SLCO4A1: variants seen among roughly 807,000 people sequenced by gnomAD.
SLCO4A1 encodes solute carrier organic anion transporter family member 4A1.
In SLCO4A1, 51 loss-of-function variants were observed where a neutral mutation model predicts 64.6. The observed-to-expected ratio is 0.79, with a 90% CI of 0.63 to 1.00. The LOEUF (loss-of-function observed/expected upper bound fraction) is 1.00. Ranked by LOEUF, SLCO4A1 falls within the 50% of genes least tolerant of loss-of-function variation. The pLI, the probability that SLCO4A1 is intolerant of heterozygous loss-of-function variation, is 0.00. For missense variants in SLCO4A1, 919 were observed against 980.5 expected (o/e 0.94, Z 0.84); for synonymous variants, 471 against 444.9 (o/e 1.06, Z -0.74).
chr20:62,662,307 C>G (rs1985120163), intron 5 of SLCO4A1, among the ~76,000 whole-genome samples: 1 of 152,152 alleles, frequency 6.6e-6, no homozygotes, highest in South Asian at 2.1e-4. Context: ...TGACCCGGGG[C>G]CACGTTCCCA....
Position 62,664,809 on chromosome 20 carries a change from C to T in SLCO4A1, c.1122-125C>T, listed in dbSNP as rs1001107108. On this transcript the variant is annotated intron_variant, in intron 5 of 11. Transcript: ENST00000217159. ...ACCCTGGGTCTGGCCCACTCTGACCCTCAGTCTCTTCTCCACACCCCGACC... is the reference window on the plus strand; with the variant it reads ...ACCCTGGGTCTGGCCCACTCTGACCTTCAGTCTCTTCTCCACACCCCGACC... 1.0e-5 allele frequency: 11 copies of T among 1,086,974 alleles called. No homozygotes were observed. In the Admixed American group the frequency reaches 1.6e-4, roughly 16 times the overall value. The allele number at this position is 1,086,974 out of a possible 1,614,324, so 67.3% of individuals were successfully genotyped here.
chr20:62,671,687 C>A, intron 11 of SLCO4A1, 63 bp from the exon 12 acceptor site: 1 of 1,513,182 alleles, frequency 6.6e-7, no homozygotes, highest in South Asian at 1.2e-5. Flanking sequence ...GGGACAGGCC[C>A]ACCAGTATCC....
chr20:62,653,431 AGTTGCC>A (rs1982988807), intron 1 of SLCO4A1, among the ~76,000 whole-genome samples: 1 of 152,218 alleles, frequency 6.6e-6, no homozygotes, highest in Non-Finnish European at 1.5e-5. Flanking sequence ...TCACAGATGA[AGTTGCC>A]CCTTTATTAA....
At chr20:62,676,889 G>A (rs544917249), downstream of SLCO4A1, among the ~76,000 whole-genome samples, 5 of 152,208 alleles carry the variant, frequency 3.3e-5, no homozygotes, top group African/African-American at 4.8e-5. Context: ...GCACCAGCCC[G>A]AATGTCAACT....
At chr20:62,660,642 T>G (rs1569134580) in intron 4 of SLCO4A1, 109 bp downstream of exon 4, 1 of 1,284,420 alleles carries the variant, frequency 7.8e-7, no homozygotes, top group Non-Finnish European at 1.1e-6. Context: ...CATGATCAAG[T>G]CTGCGGCACA....
chr20:62,659,989 C>T (rs1321540034), intron 3 of SLCO4A1, among the ~76,000 whole-genome samples: 6 of 152,234 alleles, frequency 3.9e-5, no homozygotes, highest in African/African-American at 1.4e-4. Context: ...ACAGTCCCTT[C>T]GTGGGGAGCT....
chr20:62,643,529 A>G (rs368410464), intron 1 of SLCO4A1, among the ~76,000 whole-genome samples: 1 of 152,230 alleles, frequency 6.6e-6, no homozygotes, highest in African/African-American at 2.4e-5. Context: ...GGACCTGGCT[A>G]TGCGTCCTGT....
chr20:62,675,823 C>G (rs1987565948), downstream of SLCO4A1, among the ~76,000 whole-genome samples: 1 of 152,218 alleles, frequency 6.6e-6, no homozygotes, highest in Non-Finnish European at 1.5e-5. Context: ...CCCTGTCCTC[C>G]CACGTCCTGG....
intron 2 of SLCO4A1, among the ~76,000 whole-genome samples, chr20:62,683,276 C>T (rs959661545): frequency 7.2e-5 from 11 of 152,088 alleles, no homozygotes; most frequent in Admixed American, 3.9e-4. Context: ...GCTTGGACCT[C>T]GGGCTCTCGG....
rs994566115 is a variant in SLCO4A1, at chr20:62,644,884, G to A, written c.-97+2331G>A. On this transcript the variant is annotated intron_variant, in intron 1 of 11. Coordinates refer to ENST00000217159, the MANE Select transcript of SLCO4A1 (RefSeq NM_016354.4). This position sits in a 1 kb window ranked among gnomAD's most constrained non-coding sequence, Gnocchi z 5.4. ...GCCAACGTGCAGCCTGGTGCTGGGG[G>A]CAGGAGGGAGCAGGGCCCTTGGAGC... 1.3e-4 allele frequency among the ~76,000 whole-genome samples: 20 copies of A among 152,246 alleles called. No homozygotes were observed. Among genetic ancestry groups the A allele is most frequent in the Non-Finnish European group, 2.5e-4 (17 of 68,050 alleles).
At chr20:62,661,000 C>G (rs1453358157) in intron 4 of SLCO4A1, 64 bp from the exon 5 acceptor site, 3 of 1,112,516 alleles carry the variant, frequency 2.7e-6, no homozygotes, top group Non-Finnish European at 3.9e-6. Flanking sequence ...CAGAGCCTCT[C>G]TCGGAGAAGT....
intron 7 of SLCO4A1, chr20:62,666,862 A>T (rs1986444624): frequency 2.6e-6 from 1 of 385,422 alleles, no homozygotes; most frequent in African/African-American, 2.0e-5. Flanking sequence ...TGTCAAATGG[A>T]ACAACAGCCC....
chr20:62,674,325 G>T (rs1165855355), downstream of SLCO4A1, among the ~76,000 whole-genome samples: 2 of 152,228 alleles, frequency 1.3e-5, no homozygotes, highest in Non-Finnish European at 2.9e-5. Context: ...ACTCATGGGA[G>T]CTGTCAGCCT....
Position 62,657,086 on chromosome 20 carries a change from AC to A in SLCO4A1, c.636del (p.Gly213AlafsTer69). 1 of 1,600,710 alleles carries A rather than the reference AC, an allele frequency of 6.2e-7. No individual in the cohort carries two copies. Among genetic ancestry groups the A allele is most frequent in the Non-Finnish European group, 8.5e-7 (1 of 1,174,954 alleles). On this transcript the variant is annotated frameshift_variant, in exon 2 of 12. Coordinates refer to ENST00000217159, the MANE Select transcript of SLCO4A1 (RefSeq NM_016354.4). LOFTEE classifies it high-confidence loss of function. Reference protein sequence around the residue: ...LDAGVRTCPANPGAVCADSTS... With the variant: ...LDAGVRTCPAXPGAVCADSTS... ...GCGGGTGTCAGGACGTGCCCTGCCAACCCCGGCGCGGTGTGTGCGGACAGCA... is the reference window on the plus strand; with the variant it reads ...GCGGGTGTCAGGACGTGCCCTGCCAACCCGGCGCGGTGTGTGCGGACAGCA...
Position 62,661,833 on chromosome 20 carries a change from C to T in SLCO4A1, c.1121+658C>T, listed in dbSNP as rs1984986466. Among the ~76,000 whole-genome samples, 1 of 147,006 alleles carries T rather than the reference C, an allele frequency of 6.8e-6. No individual in the cohort carries two copies. Among genetic ancestry groups the T allele is most frequent in the Admixed American group, 6.9e-5 (1 of 14,584 alleles). On this transcript the variant is annotated intron_variant, in intron 5 of 11. Transcript: ENST00000217159. This position sits in a 1 kb window ranked among gnomAD's most constrained non-coding sequence, Gnocchi z 5.2. ...GTCTTGCTGCACTGCTAGGGTGAACCCGGGGCCCTGAGCCGGTGGGGTCCT... is the reference window on the plus strand; with the variant it reads ...GTCTTGCTGCACTGCTAGGGTGAACTCGGGGCCCTGAGCCGGTGGGGTCCT...
chr20:62,654,722 T>A (rs1274784038), intron 1 of SLCO4A1, among the ~76,000 whole-genome samples: 1 of 151,804 alleles, frequency 6.6e-6, no homozygotes, highest in Non-Finnish European at 1.5e-5. Context: ...AGCGCCGGGG[T>A]CCCTGTTGAA....
At position 62,656,898 on chromosome 20, in the gene SLCO4A1, C is replaced by G; in HGVS notation, c.444C>G (p.Ser148=). 1 of 1,575,018 alleles carries G rather than the reference C, an allele frequency of 6.3e-7. No homozygotes were observed. Among genetic ancestry groups the G allele is most frequent in the Non-Finnish European group, 8.7e-7 (1 of 1,154,780 alleles). ...ACCAGAGCGGGCTCATCGCCAGCTC[C>G]TACGACATTGCCGCCTGCCTCTGCC... The part of the protein sequence containing the change: ...HSYQSGLIAS[S]YDIAACLCLT... The change falls in exon 2 of 12, where the codon TCC becomes TCG. Residue 148 remains serine, a synonymous_variant. Coordinates refer to ENST00000217159, the MANE Select transcript of SLCO4A1 (RefSeq NM_016354.4).
At chr20:62,677,864 G>A (rs889582776) in intron 2 of SLCO4A1, among the ~76,000 whole-genome samples, 2 of 152,248 alleles carry the variant, frequency 1.3e-5, no homozygotes, top group South Asian at 4.1e-4. Flanking sequence ...GGCCGAGTCC[G>A]CCGTGATGGG....
intron 2 of SLCO4A1, among the ~76,000 whole-genome samples, chr20:62,679,927 C>T (rs1272319134): frequency 6.6e-6 from 1 of 152,158 alleles, no homozygotes. Context: ...TGCAGTGGAT[C>T]TTGAGGGTAT....
Sources: allele counts gnomAD v4.1 joint callset (sites outside exome capture counted in the v4.1 genomes callset), GRCh38; gene constraint gnomAD v4.1.1; non-coding constraint Gnocchi (gnomAD v3.1); transcripts MANE v1.5; gene names NCBI Gene and HGNC (gene_info 2026-07-23, HGNC 2026-07-21).